PGS1: variants seen among roughly 807,000 people sequenced by gnomAD.
PGS1 encodes phosphatidylglycerophosphate synthase 1, also known as CDP-diacylglycerol--glycerol-3-phosphate 3-phosphatidyltransferase, mitochondrial.
Under a neutral mutation model 58.3 loss-of-function variants are expected in PGS1, and 44 were observed. The observed-to-expected ratio is 0.75, with a 90% confidence interval of 0.59 to 0.97. The LOEUF (loss-of-function observed/expected upper bound fraction) is 0.97. Among genes scored for constraint, PGS1 ranks in the 50% least tolerant of loss-of-function variants. PGS1 has a pLI of 0.00. For synonymous variants in PGS1, 330 were observed against 311.0 expected, an observed-to-expected ratio of 1.06 and a Z score of -0.64; for missense variants, 684 against 731.1, an observed-to-expected ratio of 0.94 and a Z score of 0.74.
At chr17:78,396,255 T>C in intron 2 of PGS1, 53 bp from the exon 3 acceptor site, 1 of 1,378,614 alleles carries the variant, frequency 7.3e-7, no homozygotes, top group Non-Finnish European at 1.0e-6. Context: ...TCTGTTTTCT[T>C]AGTGAACCAT....
chr17:78,402,396 TCATATATA>T (rs2083746940), intron 6 of PGS1, among the ~76,000 whole-genome samples: 1 of 48,820 alleles, frequency 2.0e-5, no homozygotes, highest in Non-Finnish European at 4.7e-5. Context: ...TAATTTCTAT[TCATATATA>T]TATATATATA....
intron 1 of PGS1, among the ~76,000 whole-genome samples, chr17:78,383,154 G>T (rs2082152780): frequency 6.6e-6 from 1 of 152,168 alleles, no homozygotes; most frequent in African/African-American, 2.4e-5. Context: ...AGGAGCTTGT[G>T]AGTGTGTGTG....
At chr17:78,398,644 C>G (rs933533690) in intron 4 of PGS1, among the ~76,000 whole-genome samples, 1 of 152,218 alleles carries the variant, frequency 6.6e-6, no homozygotes, top group South Asian at 2.1e-4. Context: ...TGAGTCCAGC[C>G]TGGGCAACAT....
Position 78,419,489 on chromosome 17 carries a change from ATGTGG to A in PGS1, c.1552-49_1552-45del. On this transcript the variant is annotated intron_variant, in intron 8 of 9. Transcript: ENST00000262764. ...GGGGCTGGGCTGGGGCCAGCCGGCC[ATGTGG>A]TGTGGTGCTGGAGGGGACTCCTCAC... is the stretch of plus-strand genomic sequence containing the variant. The A allele has an allele frequency of 6.0e-6, 9 of 1,490,852 alleles. No homozygotes were observed. In the South Asian group the frequency reaches 9.0e-5, roughly 15 times the overall value. The allele number at this position is 1,490,852 out of a possible 1,614,324, so 92.4% of individuals were successfully genotyped here. A position where few individuals can be genotyped will look rare whatever the true frequency, so the allele number is the denominator to read the frequency against.
At chr17:78,417,854 C>T (rs1415556686) in intron 8 of PGS1, among the ~76,000 whole-genome samples, 1 of 151,424 alleles carries the variant, frequency 6.6e-6, no homozygotes, top group Non-Finnish European at 1.5e-5. Context: ...GAGGAGAGAG[C>T]ACTTGGAGGG....
In PGS1 at chr17:78,399,538, G is replaced by T. The variant is rs1442842429; in HGVS notation, c.701+1G>T. ...TCGACAACAGCGTCATCTTGAGCGG[G>T]TGAGTGCTTCCCACCGTCAGTGCTT... On this transcript the variant is annotated splice_donor_variant, in intron 5 of 9. Coordinates refer to ENST00000262764, the MANE Select transcript of PGS1 (RefSeq NM_024419.5). LOFTEE classifies it high-confidence loss of function. 1.2e-6 allele frequency: 2 copies of T among 1,613,902 alleles called. No homozygotes were observed. The highest frequency in any genetic ancestry group is 1.1e-5 in the South Asian group (1 of 91,084).
Position 78,403,791 on chromosome 17 carries a change from C to T in PGS1, c.1104C>T (p.Val368=). 6.2e-7 allele frequency: 1 copy of T among 1,614,234 alleles called. No individual in the cohort carries two copies. Among genetic ancestry groups the T allele is most frequent in the South Asian group, 1.1e-5 (1 of 91,078 alleles). Residue 368 remains valine, a synonymous_variant, in exon 7 of 10, where the codon GTC becomes GTT. Coordinates refer to ENST00000262764, the MANE Select transcript of PGS1 (RefSeq NM_024419.5). ...KPFEIQIDEI[V]TETLLTEAER... ...TCGAGATTCAAATCGATGAGATTGT[C>T]ACTGAGACCCTGTTGACTGAGGCGG...
intron 1 of PGS1, among the ~76,000 whole-genome samples, chr17:78,389,172 G>T (rs962676033): frequency 6.9e-6 from 1 of 145,016 alleles, no homozygotes; most frequent in East Asian, 2.0e-4. Flanking sequence ...AAGCAGTTCT[G>T]CCTCAGCCAC....
intron 7 of PGS1, among the ~76,000 whole-genome samples, chr17:78,410,385 C>T (rs979265713): frequency 1.3e-5 from 2 of 149,950 alleles, no homozygotes; most frequent in African/African-American, 2.4e-5. Context: ...GCCAAGATCG[C>T]GCCATTGCAT....
chr17:78,414,025 AC>A (rs1267203284), intron 7 of PGS1, among the ~76,000 whole-genome samples: 1 of 152,210 alleles, frequency 6.6e-6, no homozygotes, highest in East Asian at 1.9e-4. Flanking sequence ...ACAGAAACTT[AC>A]AGGGCCCTTT....
intron 7 of PGS1, among the ~76,000 whole-genome samples, chr17:78,411,067 C>T (rs1299305746): frequency 6.6e-6 from 1 of 152,152 alleles, no homozygotes; most frequent in African/African-American, 2.4e-5. Context: ...TACAAGGGGG[C>T]TCAGGGAGGG....
Position 78,391,057 on chromosome 17 carries a change from C to T in PGS1, c.144-1419C>T, listed in dbSNP as rs994441712. Among the ~76,000 whole-genome samples the T allele has an allele frequency of 3.3e-5, 5 of 152,094 alleles. No individual in the cohort carries two copies. In the East Asian group the frequency reaches 5.8e-4, roughly 18 times the overall value. ...CCAGGTTTAAGCGATTCTCCTGCCT[C>T]AGGCTCCTGAGTAGTTGGGATAACA... On this transcript the variant is annotated intron_variant, in intron 1 of 9. Coordinates refer to ENST00000262764, the MANE Select transcript of PGS1 (RefSeq NM_024419.5).
intron 7 of PGS1, among the ~76,000 whole-genome samples, chr17:78,404,329 T>C (rs2083941349): frequency 6.7e-6 from 1 of 148,820 alleles, no homozygotes; most frequent in Middle Eastern, 3.2e-3. Context: ...TTTCCCAGGC[T>C]GGACTGCAGT....
At chr17:78,379,367 A>C (rs1218912432) in intron 1 of PGS1, among the ~76,000 whole-genome samples, 1 of 152,184 alleles carries the variant, frequency 6.6e-6, no homozygotes, top group African/African-American at 2.4e-5. Flanking sequence ...AGCCACTCGA[A>C]ACACTTTTTA....
chr17:78,397,594 C>CCG (rs1567962202), intron 3 of PGS1, among the ~76,000 whole-genome samples: 2 of 151,666 alleles, frequency 1.3e-5, no homozygotes, highest in Non-Finnish European at 2.9e-5. Flanking sequence ...GCGCCACCCC[C>CCG]CCAGCTAATT....
At chr17:78,382,538 T>A (rs1246640822) in intron 1 of PGS1, 1 of 151,880 alleles carries the variant, frequency 6.6e-6, no homozygotes, top group Non-Finnish European at 1.5e-5. Flanking sequence ...CTAGGTGATG[T>A]GTTCAGTGTC....
intron 4 of PGS1, among the ~76,000 whole-genome samples, chr17:78,398,974 C>T (rs1038268630): frequency 3.9e-5 from 6 of 152,212 alleles, no homozygotes; most frequent in East Asian, 1.9e-4. Flanking sequence ...CCCAGGCCTG[C>T]GTGCTCCCTC....
intron 1 of PGS1, among the ~76,000 whole-genome samples, chr17:78,384,550 A>C (rs1347510748): frequency 6.6e-6 from 1 of 152,072 alleles, no homozygotes. Context: ...TTTTGTACAG[A>C]TTTGGATGGG....
At chr17:78,392,780 T>G (rs1296184421) in intron 2 of PGS1, 115 bp downstream of exon 2, 2 of 795,804 alleles carry the variant, frequency 2.5e-6, no homozygotes, top group Admixed American at 5.3e-5. Flanking sequence ...GCTTATTCCT[T>G]CTGGGTTTTA....
Sources: gnomAD v4.1 joint callset for allele counts (sites outside exome capture counted in the v4.1 genomes callset) on GRCh38, gnomAD v4.1.1 for gene constraint, MANE v1.5 for transcripts, NCBI Gene and HGNC (gene_info 2026-07-23, HGNC 2026-07-21) for gene names.